The following RPH3A variants were observed in gnomAD, a reference collection of about 807,000 sequenced individuals.
RPH3A encodes the protein rabphilin 3A, also known as rabphilin-3A.
Under a neutral mutation model 102.2 loss-of-function variants are expected in RPH3A, and 48 were observed. The observed-to-expected ratio is 0.47, with a 90% CI of 0.37 to 0.60. RPH3A has a LOEUF of 0.60. Among genes scored for constraint, RPH3A ranks in the 20% least tolerant of loss-of-function variants. The probability of loss-of-function intolerance (pLI) is 0.00; values close to 1 mark genes in which losing one functional copy is unlikely to be tolerated. For missense variants in RPH3A, 781 were observed against 910.1 expected (o/e 0.86, Z 1.83); for synonymous variants, 310 against 324.3 (o/e 0.96, Z 0.47).
chr12:112,711,010 G>A (rs1399949964), intron 1 of RPH3A, among the ~76,000 whole-genome samples: 1 of 151,954 alleles, frequency 6.6e-6, no homozygotes, highest in Admixed American at 6.6e-5. Flanking sequence ...CTCCAGTTCA[G>A]AAGAACTCCA....
intron 1 of RPH3A, among the ~76,000 whole-genome samples, chr12:112,729,714 C>G (rs2040620210): frequency 6.6e-6 from 1 of 152,198 alleles, no homozygotes; most frequent in South Asian, 2.1e-4. Context: ...ACCCATACCA[C>G]TGGCTAAAAA....
intron 1 of RPH3A, among the ~76,000 whole-genome samples, chr12:112,653,613 C>G (rs988802816): frequency 6.6e-6 from 1 of 151,940 alleles, no homozygotes; most frequent in Non-Finnish European, 1.5e-5. Context: ...CTTATTATAA[C>G]CTTTTTACTT....
intron 1 of RPH3A, among the ~76,000 whole-genome samples, chr12:112,660,418 G>T (rs965023697): frequency 2.0e-5 from 3 of 152,014 alleles, no homozygotes; most frequent in Non-Finnish European, 4.4e-5. Context: ...CACACCCCCT[G>T]CCCCATACCA....
chr12:112,888,045 G>A (rs2043034292), intron 17 of RPH3A, 122 bp downstream of exon 17: 1 of 1,061,294 alleles, frequency 9.4e-7, no homozygotes, highest in South Asian at 1.5e-5. Context: ...CACTGCAGCA[G>A]GTCTGCAGAG....
At chr12:112,669,358 T>C (rs1191949784) in intron 1 of RPH3A, among the ~76,000 whole-genome samples, 1 of 152,260 alleles carries the variant, frequency 6.6e-6, no homozygotes, top group African/African-American at 2.4e-5. Context: ...ACAATGATCA[T>C]GTGCCCATAA....
chr12:112,725,318 G>A lies in RPH3A; in HGVS notation c.-139-66825G>A, dbSNP rs1012656781. Among the ~76,000 whole-genome samples, 4 of 151,524 alleles carry A rather than the reference G, an allele frequency of 2.6e-5. 1 individual carries two copies. The highest frequency in any genetic ancestry group is 2.9e-5 in the Non-Finnish European group (2 of 67,942). On this transcript the variant is annotated intron_variant, in intron 1 of 21. Coordinates refer to the RPH3A transcript ENST00000543106. The stretch of plus-strand genomic sequence containing the variant: ...ATAAATGCATCTTCTGCTTTTGAGG[G>A]GGCACTTTCCCCACGACCTCATTGT...
chr12:112,654,974 G>A (rs2040000203), intron 1 of RPH3A, among the ~76,000 whole-genome samples: 1 of 152,178 alleles, frequency 6.6e-6, no homozygotes, highest in Non-Finnish European at 1.5e-5. Flanking sequence ...ATTCAGGACG[G>A]CATCATCCAT....
intron 1 of RPH3A, among the ~76,000 whole-genome samples, chr12:112,579,011 G>C (rs2077326432): frequency 6.6e-6 from 1 of 152,104 alleles, no homozygotes; most frequent in Non-Finnish European, 1.5e-5. Flanking sequence ...CTTCATCATA[G>C]GTTCCTCCGA....
At chr12:112,640,388 G>T (rs2039880484) in intron 1 of RPH3A, among the ~76,000 whole-genome samples, 1 of 137,512 alleles carries the variant, frequency 7.3e-6, no homozygotes, top group East Asian at 2.4e-4. Context: ...CTGGCTGAAG[G>T]CTATGACCTT....
intron 1 of RPH3A, among the ~76,000 whole-genome samples, chr12:112,704,591 T>G (rs1343005826): frequency 1.3e-5 from 2 of 152,122 alleles, no homozygotes; most frequent in Non-Finnish European, 2.9e-5. Flanking sequence ...GGGAAAGCAA[T>G]GCGGCTACCA....
chr12:112,645,536 A>C (rs2039922669), intron 1 of RPH3A, among the ~76,000 whole-genome samples: 1 of 152,204 alleles, frequency 6.6e-6, no homozygotes, highest in Non-Finnish European at 1.5e-5. Flanking sequence ...AAAATTCTGC[A>C]AGCAGTGCTT....
intron 1 of RPH3A, among the ~76,000 whole-genome samples, chr12:112,724,427 CA>C (rs1241620666): frequency 6.6e-6 from 1 of 151,904 alleles, no homozygotes; most frequent in Non-Finnish European, 1.5e-5. Context: ...TGCAGATCTC[CA>C]AAAAATTTTT....
In RPH3A at chr12:112,898,063, T is replaced by A. The variant is rs1410083191; in HGVS notation, c.*1283T>A. On this transcript the variant is annotated 3_prime_UTR_variant, in exon 22 of 22. Transcript: ENST00000389385. The stretch of plus-strand genomic sequence containing the variant: ...CTCAGAACCCCCTCCAGTCTCTCTG[T>A]CTCTCTTTGTCTGTCTCTCTGTCTC... The A allele has an allele frequency of 6.6e-6, 1 of 152,302 alleles. No individual in the cohort carries two copies. Among genetic ancestry groups the A allele is most frequent in the African/African-American group, 2.4e-5 (1 of 41,452 alleles). 9.4% of individuals were successfully genotyped at this position (152,302 alleles called of 1,614,324 possible).
intron 1 of RPH3A, among the ~76,000 whole-genome samples, chr12:112,704,893 A>G (rs2136031219): frequency 6.6e-6 from 1 of 152,334 alleles, no homozygotes; most frequent in Middle Eastern, 3.4e-3. Context: ...CAATAATTAT[A>G]TCTTTTAAAT....
intron 1 of RPH3A, among the ~76,000 whole-genome samples, chr12:112,681,731 G>A (rs1040186618): frequency 5.9e-5 from 9 of 152,156 alleles, no homozygotes; most frequent in African/African-American, 2.2e-4. Flanking sequence ...CAAAGAATGA[G>A]ATAAAAATGA....
At position 112,681,242 on chromosome 12, in the gene RPH3A, G is replaced by A. The variant is rs572028857; in HGVS notation, c.-140+105923G>A. 6.6e-5 allele frequency among the ~76,000 whole-genome samples: 10 copies of A among 152,162 alleles called. No homozygotes were observed. The South Asian group carries it at 1.5e-3, about 22-fold the overall frequency. On this transcript the variant is annotated intron_variant, in intron 1 of 21. Coordinates refer to the RPH3A transcript ENST00000543106. The stretch of plus-strand genomic sequence containing the variant: ...GCCCGCTTCTCACTTCCAATCATCC[G>A]CCTTCTGAAGAGTTCCTCCCTCTCC...
Position 112,791,903 on chromosome 12 carries a change from A to AGAGAGAGAGAGG in RPH3A, c.-247_-246insGAGAGAGAGGGA, listed in dbSNP as rs1565882498. On this transcript the variant is annotated 5_prime_UTR_variant, in exon 1 of 22. Coordinates refer to ENST00000389385, the MANE Select transcript of RPH3A (RefSeq NM_001143854.2). ...GAGAGAGAGAGAGAGAGAGAGAGAG[A>AGAGAGAGAGAGG]GACTCACAGAGCTAAAACCTTCATC... 2 of 150,206 alleles carry AGAGAGAGAGAGG rather than the reference A, an allele frequency of 1.3e-5. No individual in the cohort carries two copies. Among genetic ancestry groups the AGAGAGAGAGAGG allele is most frequent in the Non-Finnish European group, 3.0e-5 (2 of 67,194 alleles). The allele number at this position is 150,206 out of a possible 1,614,324, so 9.3% of individuals were successfully genotyped here. A position where few individuals can be genotyped will look rare whatever the true frequency, so the allele number is the denominator to read the frequency against.
intron 1 of RPH3A, among the ~76,000 whole-genome samples, chr12:112,654,105 C>T (rs2039994659): frequency 6.6e-6 from 1 of 152,210 alleles, no homozygotes. Context: ...ATCCCTTCTT[C>T]TGGAATCCCT....
chr12:112,792,712 G>T (rs1012652014), intron 2 of RPH3A, among the ~76,000 whole-genome samples: 1 of 152,204 alleles, frequency 6.6e-6, no homozygotes, highest in Non-Finnish European at 1.5e-5. Context: ...TTTTGCCTGG[G>T]CACACTGGGT....
Sources: gnomAD v4.1 joint callset for allele counts (sites outside exome capture counted in the v4.1 genomes callset) on GRCh38, gnomAD v4.1.1 for gene constraint, MANE v1.5 for transcripts, NCBI Gene and HGNC (gene_info 2026-07-23, HGNC 2026-07-21) for gene names.